Variants in ZNRF1 observed in about 807,000 individuals in gnomAD.
ZNRF1 encodes the protein E3 ubiquitin-protein ligase ZNRF1.
A neutral mutation model predicts 18.4 loss-of-function variants in ZNRF1; 3 were observed. That is an observed-to-expected ratio of 0.16 (90% CI 0.07 to 0.42). The LOEUF is 0.42. Ranked by LOEUF, ZNRF1 falls within the 10% of genes least tolerant of loss-of-function variation. The pLI is 0.99. For synonymous variants in ZNRF1, 157 were observed against 144.2 expected (o/e 1.09, Z -0.64); for missense variants, 310 against 329.8 (o/e 0.94, Z 0.47).
chr16:75,009,808 GT>G (rs577850222), intron 1 of ZNRF1, among the ~76,000 whole-genome samples: 332 of 140,788 alleles, frequency 2.4e-3, no homozygotes, highest in African/African-American at 6.5e-3. Flanking sequence ...GTTATTTTCT[GT>G]TTTTTTTTTT....
chr16:75,103,067 C>T (rs1008298364), intron 2 of ZNRF1, among the ~76,000 whole-genome samples: 18 of 152,164 alleles, frequency 1.2e-4, no homozygotes, highest in African/African-American at 3.9e-4. Flanking sequence ...TGGGCCTGCG[C>T]GTGAGAAGAT....
At chr16:75,094,977 G>A (rs532758070) in intron 2 of ZNRF1, among the ~76,000 whole-genome samples, 11 of 152,118 alleles carry the variant, frequency 7.2e-5, no homozygotes, top group African/African-American at 9.6e-5. Flanking sequence ...TGTTTCCTAG[G>A]GAGACTCTTC....
Position 75,108,170 on chromosome 16 carries a change from C to T in ZNRF1, c.*470C>T, listed in dbSNP as rs372230745. ...CGGCGGGCGAGCACACGGTCTCTTC[C>T]CCTGCCCCAACTGGCCCTCTCCACC... On this transcript the variant is annotated 3_prime_UTR_variant, in exon 5 of 5. Coordinates refer to ENST00000335325, the MANE Select transcript of ZNRF1 (RefSeq NM_032268.5). The T allele has an allele frequency of 3.9e-5, 7 of 179,164 alleles. 1 individual carries two copies. The East Asian group carries it at 1.0e-3, about 26-fold the overall frequency. 11.1% of individuals were successfully genotyped at this position (179,164 alleles called of 1,614,324 possible). A position where few individuals can be genotyped will look rare whatever the true frequency, so the allele number is the denominator to read the frequency against.
intron 1 of ZNRF1, among the ~76,000 whole-genome samples, chr16:75,061,521 GTATA>G (rs2035743941): frequency 1.9e-5 from 2 of 108,094 alleles, no homozygotes; most frequent in African/African-American, 3.5e-5. Flanking sequence ...ACTTCATAGT[GTATA>G]TGTACCTTCC....
chr16:75,022,489 C>A lies in ZNRF1; in HGVS notation c.424+22394C>A, dbSNP rs533291891. Among the ~76,000 whole-genome samples the A allele has an allele frequency of 1.4e-4, 22 of 151,894 alleles. No homozygotes were observed. In the South Asian group the frequency reaches 2.9e-3, roughly 20 times the overall value. ...GCTGAGGCAGGAGAATGGCGTGAACCCGGGAGGCGGAGCTTGCAGTGAGCC... is the reference window on the plus strand; with the variant it reads ...GCTGAGGCAGGAGAATGGCGTGAACACGGGAGGCGGAGCTTGCAGTGAGCC... On this transcript the variant is annotated intron_variant, in intron 1 of 4. Coordinates refer to ENST00000335325, the MANE Select transcript of ZNRF1 (RefSeq NM_032268.5).
intron 1 of ZNRF1, among the ~76,000 whole-genome samples, chr16:75,081,186 A>C (rs1451305065): frequency 1.3e-5 from 2 of 152,114 alleles, no homozygotes; most frequent in Non-Finnish European, 2.9e-5. Context: ...TAAATAAATA[A>C]AAATAAGGAC....
chr16:75,007,774 CA>C (rs2145319129), intron 1 of ZNRF1, among the ~76,000 whole-genome samples: 1 of 152,348 alleles, frequency 6.6e-6, no homozygotes, highest in African/African-American at 2.4e-5. Flanking sequence ...AACTAAACTC[CA>C]CCAAGCATTT....
intron 1 of ZNRF1, among the ~76,000 whole-genome samples, chr16:75,045,411 G>A (rs2035502208): frequency 6.6e-6 from 1 of 152,158 alleles, no homozygotes; most frequent in South Asian, 2.1e-4. Context: ...GAGAGGGGAT[G>A]GATGAGCTGT....
rs565165085 is a variant in ZNRF1 at position 75,083,380 on chromosome 16, A to G, written c.425-10192A>G. Among the ~76,000 whole-genome samples, 3 of 152,360 alleles carry G rather than the reference A, an allele frequency of 2.0e-5. No homozygotes were observed. The East Asian group carries it at 5.8e-4, about 29-fold the overall frequency. The stretch of plus-strand genomic sequence containing the variant: ...AGGCCATCTGGCTAGTGATTGGGAA[A>G]GCGTGTTTTCCTCTGATGCCTAGTC... On this transcript the variant is annotated intron_variant, in intron 1 of 4. Coordinates refer to ENST00000335325, the MANE Select transcript of ZNRF1 (RefSeq NM_032268.5).
chr16:75,059,540 CAG>C (rs1309946094), intron 1 of ZNRF1, among the ~76,000 whole-genome samples: 2 of 152,020 alleles, frequency 1.3e-5, no homozygotes, highest in Non-Finnish European at 2.9e-5. Flanking sequence ...GTGGGGGTAT[CAG>C]AGAAAACTAC....
chr16:75,011,495 G>T (rs2035000044), intron 1 of ZNRF1, among the ~76,000 whole-genome samples: 1 of 152,110 alleles, frequency 6.6e-6, no homozygotes, highest in South Asian at 2.1e-4. Flanking sequence ...AGCCTCCTGA[G>T]TAGCTGGGAC....
chr16:75,095,624 G>T (rs2036189045), intron 2 of ZNRF1: 1 of 1,549,646 alleles, frequency 6.5e-7, no homozygotes, highest in South Asian at 1.2e-5. Context: ...CCTCAGAGGG[G>T]CTCAGCCTGA....
chr16:75,030,342 C>A (rs1203407897), intron 1 of ZNRF1, among the ~76,000 whole-genome samples: 1 of 151,906 alleles, frequency 6.6e-6, no homozygotes, highest in Non-Finnish European at 1.5e-5. Context: ...GTGGTTTGGA[C>A]CCCTACCTCA....
At chr16:75,016,852 T>C (rs893237953) in intron 1 of ZNRF1, among the ~76,000 whole-genome samples, 14 of 152,150 alleles carry the variant, frequency 9.2e-5, no homozygotes, top group Non-Finnish European at 1.8e-4. Flanking sequence ...GCCTACTGTT[T>C]TATTTACTAT....
At chr16:75,096,103 A>C (rs1200548627) in intron 2 of ZNRF1, among the ~76,000 whole-genome samples, 1 of 111,048 alleles carries the variant, frequency 9.0e-6, no homozygotes, top group African/African-American at 3.9e-5. Flanking sequence ...TGTGTGTGTA[A>C]ACTAGAGGCT....
chr16:75,107,108 C>T lies in ZNRF1; in HGVS notation c.*32+537C>T, dbSNP rs1035575359. The T allele has an allele frequency of 4.7e-5, 8 of 169,290 alleles. 1 individual carries two copies. The highest frequency in any genetic ancestry group is 1.9e-4 in the African/African-American group (8 of 41,690). 10.5% of individuals were successfully genotyped at this position (169,290 alleles called of 1,614,324 possible). A position where few individuals can be genotyped will look rare whatever the true frequency, so the allele number is the denominator to read the frequency against. On this transcript the variant is annotated intron_variant, in intron 4 of 4. Coordinates refer to ENST00000335325, the MANE Select transcript of ZNRF1 (RefSeq NM_032268.5). ...TGCCGCTTCCAGATGAATCTGAGGC[C>T]TCCAGGCCAGACTCGATCCCTCTAT...
chr16:75,000,242 A>G, intron 1 of ZNRF1, 147 bp downstream of exon 1: 1 of 1,144,874 alleles, frequency 8.7e-7, no homozygotes, highest in Non-Finnish European at 1.3e-6. Context: ...GATAAATGGG[A>G]TACCTACCGT....
chr16:75,031,567 G>A (rs958059611), intron 1 of ZNRF1, among the ~76,000 whole-genome samples: 5 of 152,056 alleles, frequency 3.3e-5, no homozygotes, highest in African/African-American at 1.2e-4. Context: ...GAGAGCAGTG[G>A]TGTGATCTCA....
rs183692182 is a variant in ZNRF1 at position 75,083,434 on chromosome 16, G to A, written c.425-10138G>A. On this transcript the variant is annotated intron_variant, in intron 1 of 4. Coordinates refer to ENST00000335325, the MANE Select transcript of ZNRF1 (RefSeq NM_032268.5). ...TTCTCTTTCTTCCATACCAGTCAGT[G>A]TGGAATTCAGAAACCTCAGAGATAT... Among the ~76,000 whole-genome samples the A allele has an allele frequency of 2.0e-5, 3 of 152,302 alleles. No homozygotes were observed. The East Asian group carries it at 5.8e-4, about 29-fold the overall frequency.
Sources: gnomAD v4.1 joint callset for allele counts (sites outside exome capture counted in the v4.1 genomes callset) on GRCh38, gnomAD v4.1.1 for gene constraint, MANE v1.5 for transcripts, NCBI Gene and HGNC (gene_info 2026-07-23, HGNC 2026-07-21) for gene names.